TCP11L2: variants seen among roughly 807,000 people sequenced by gnomAD.
The protein encoded by TCP11L2 is t-complex 11 like 2, also known as T-complex protein 11-like protein 2.
TCP11L2 carries 39 observed loss-of-function variants against 50.7 expected under a neutral mutation model. The observed-to-expected ratio is 0.77, with a 90% CI of 0.60 to 1.01. The LOEUF (loss-of-function observed/expected upper bound fraction) is 1.01. Ranked by LOEUF, TCP11L2 falls within the 50% of genes least tolerant of loss-of-function variation. The probability of loss-of-function intolerance (pLI) is 0.00; values close to 1 mark genes in which losing one functional copy is unlikely to be tolerated. For missense variants in TCP11L2, 612 were observed against 614.7 expected, an observed-to-expected ratio of 1.00 and a Z score of 0.05; for synonymous variants, 192 against 219.3, an observed-to-expected ratio of 0.88 and a Z score of 1.10.
intron 1 of TCP11L2, chr12:106,304,413 A>G (rs1402134731): frequency 6.6e-6 from 1 of 152,258 alleles, no homozygotes; most frequent in Non-Finnish European, 1.5e-5. Context: ...GAAGACCAGT[A>G]TTGTCTAGAT....
At chr12:106,313,590 T>TA (rs2034943840) in intron 2 of TCP11L2, among the ~76,000 whole-genome samples, 1 of 147,694 alleles carries the variant, frequency 6.8e-6, no homozygotes, top group African/African-American at 2.5e-5. Flanking sequence ...AAAAAATAAA[T>TA]AAATAAATAA....
At chr12:106,336,547 A>ATTTTTT (rs11449901) in intron 8 of TCP11L2, among the ~76,000 whole-genome samples, 1 of 102,164 alleles carries the variant, frequency 9.8e-6, no homozygotes, top group Non-Finnish European at 1.9e-5. Flanking sequence ...GAATTGCGCA[A>ATTTTTT]TTTTTTTTTT....
chr12:106,341,402 C>T (rs188734223), intron 9 of TCP11L2, among the ~76,000 whole-genome samples: 10 of 145,380 alleles, frequency 6.9e-5, no homozygotes, highest in East Asian at 2.1e-4. Context: ...TGTGTGGATC[C>T]GGGAGACATA....
Position 106,346,623 on chromosome 12 carries a change from A to C in TCP11L2, c.*93A>C. On this transcript the variant is annotated 3_prime_UTR_variant, in exon 10 of 10. Coordinates refer to ENST00000299045, the MANE Select transcript of TCP11L2 (RefSeq NM_152772.3). ...GGCATTAGAGATCCAGCACATTCTC[A>C]GTACTGTGGTGCAGTATTAGCCCAA... is the stretch of plus-strand genomic sequence containing the variant. The C allele has an allele frequency of 6.7e-7, 1 of 1,489,384 alleles. No homozygotes were observed. Among genetic ancestry groups the C allele is most frequent in the Non-Finnish European group, 9.0e-7 (1 of 1,115,000 alleles). The allele number at this position is 1,489,384 out of a possible 1,614,324, so 92.3% of individuals were successfully genotyped here. A position where few individuals can be genotyped will look rare whatever the true frequency, so the allele number is the denominator to read the frequency against.
chr12:106,329,534 A>C, intron 6 of TCP11L2: 1 of 1,450,510 alleles, frequency 6.9e-7, no homozygotes, highest in South Asian at 1.4e-5. Flanking sequence ...GCGTTTAAAC[A>C]CAGAGGCCTG....
At chr12:106,334,813 C>T (rs192605921) in intron 6 of TCP11L2, among the ~76,000 whole-genome samples, 220 of 152,068 alleles carry the variant, frequency 1.4e-3, no homozygotes, top group African/African-American at 5.1e-3. Flanking sequence ...TGGTGGTGCA[C>T]GCCTGTAGTC....
rs748575184 is a variant in TCP11L2, at chr12:106,336,076, G to A, written c.1005G>A (p.Lys335=). ...CACGTCTTCAGGAACTAACAGAAAA[G>A]CTGAATCAATTGAAAATTATTGCCT... ...DGARLQELTE[K]LNQLKIIACL... The change falls in exon 8 of 10, where the codon AAG becomes AAA. Residue 335 remains lysine, a synonymous_variant. Transcript: ENST00000299045. 6.2e-6 allele frequency: 10 copies of A among 1,613,832 alleles called. No individual in the cohort carries two copies. The South Asian group carries it at 8.8e-5, about 14-fold the overall frequency.
Position 106,318,337 on chromosome 12 carries a change from G to T in TCP11L2, c.294-7G>T. ...ATTTTAAAAAACAATTCATTTTATT[G>T]CCATAGTTTGGCTGGTCGAGTGAAG... On this transcript the variant is annotated splice_region_variant and splice_polypyrimidine_tract_variant and intron_variant, in intron 3 of 9. Coordinates refer to ENST00000299045, the MANE Select transcript of TCP11L2 (RefSeq NM_152772.3). 6.2e-7 allele frequency: 1 copy of T among 1,610,324 alleles called. No individual in the cohort carries two copies. The highest frequency in any genetic ancestry group is 8.5e-7 in the Non-Finnish European group (1 of 1,177,918).
intron 3 of TCP11L2, among the ~76,000 whole-genome samples, chr12:106,317,767 T>A (rs1311139218): frequency 6.6e-6 from 1 of 152,232 alleles, no homozygotes; most frequent in Non-Finnish European, 1.5e-5. Context: ...ATGTGTATTT[T>A]AACGTGCACC....
At chr12:106,342,124 T>A (rs1171227690) in intron 9 of TCP11L2, among the ~76,000 whole-genome samples, 1 of 152,178 alleles carries the variant, frequency 6.6e-6, no homozygotes, top group Non-Finnish European at 1.5e-5. Flanking sequence ...AGTGTAGAAT[T>A]AGAATGTACT....
chr12:106,344,340 A>G (rs1451496102), intron 9 of TCP11L2, among the ~76,000 whole-genome samples: 5 of 152,188 alleles, frequency 3.3e-5, no homozygotes, highest in African/African-American at 1.2e-4. Flanking sequence ...GACCAAGAAT[A>G]TAAAGATAAA....
At chr12:106,324,973 TA>T (rs1305297675) in intron 6 of TCP11L2, 1 of 152,196 alleles carries the variant, frequency 6.6e-6, no homozygotes, top group East Asian at 1.9e-4. Context: ...TTTACAGGAA[TA>T]ATGGAAACTG....
At chr12:106,330,379 G>A (rs1046949134) in intron 6 of TCP11L2, 15 of 905,748 alleles carry the variant, frequency 1.7e-5, no homozygotes, top group Admixed American at 6.2e-5. Flanking sequence ...CACTGCCCCC[G>A]CCCCACAACA....
chr12:106,308,384 A>T (rs1217586956), intron 1 of TCP11L2, among the ~76,000 whole-genome samples: 1 of 152,214 alleles, frequency 6.6e-6, no homozygotes, highest in East Asian at 1.9e-4. Flanking sequence ...CAATTATTTT[A>T]ATCTTTGCAC....
intron 2 of TCP11L2, 71 bp downstream of exon 2, chr12:106,311,303 CAG>C (rs1320462833): frequency 1.3e-6 from 2 of 1,542,670 alleles, no homozygotes; most frequent in Non-Finnish European, 8.8e-7. Flanking sequence ...TTTGAAAACT[CAG>C]AAACGCCTGA....
chr12:106,307,243 A>T (rs2034669264), intron 1 of TCP11L2: 1 of 152,252 alleles, frequency 6.6e-6, no homozygotes, highest in South Asian at 2.1e-4. Context: ...GAATAATACA[A>T]TCAAAAATGT....
chr12:106,300,281 A>C (rs1254089805), upstream of TCP11L2, among the ~76,000 whole-genome samples: 1 of 151,946 alleles, frequency 6.6e-6, no homozygotes, highest in Admixed American at 6.6e-5. Flanking sequence ...CTCATTTTTG[A>C]GGGAACTGCC....
At chr12:106,338,169 C>G (rs2035981100) in intron 8 of TCP11L2, among the ~76,000 whole-genome samples, 1 of 151,922 alleles carries the variant, frequency 6.6e-6, no homozygotes, top group Admixed American at 6.6e-5. Context: ...TGCTTTTTTT[C>G]CCTTTTTCAA....
chr12:106,306,408 C>A (rs1592923484), intron 1 of TCP11L2, among the ~76,000 whole-genome samples: 1 of 152,054 alleles, frequency 6.6e-6, no homozygotes, highest in Non-Finnish European at 1.5e-5. Context: ...TATGTCATGG[C>A]CCTTTATTCC....
Sources: gnomAD v4.1 joint callset for allele counts (sites outside exome capture counted in the v4.1 genomes callset) on GRCh38, gnomAD v4.1.1 for gene constraint, MANE v1.5 for transcripts, NCBI Gene and HGNC (gene_info 2026-07-23, HGNC 2026-07-21) for gene names.